Variants in DMD observed in about 807,000 individuals in gnomAD.
DMD encodes dystrophin.
Under a neutral mutation model 330.1 loss-of-function variants are expected in DMD, and 63 were observed. The ratio of observed to expected loss-of-function variants is 0.19; its 90% CI spans 0.16 to 0.24. The LOEUF is 0.24. Among genes scored for constraint, DMD ranks in the 10% least tolerant of loss-of-function variants. DMD has a pLI of 1.00. For missense variants in DMD, 3,344 were observed against 2,684.1 expected, an observed-to-expected ratio of 1.25 and a Z score of -5.43; for synonymous variants, 1,223 against 959.8, an observed-to-expected ratio of 1.27 and a Z score of -5.07.
At position 32,699,165 on chromosome X, in the gene DMD, C is replaced by A. The variant is rs1055397247; in HGVS notation, c.778G>T (p.Val260Leu). 2.5e-6 allele frequency: 3 copies of A among 1,210,514 alleles called. No homozygotes were observed. The East Asian group carries it at 8.9e-5, about 36-fold the overall frequency. ...EVEMLPRPPK[V>L]TKEEHFQLHH... Reference sequence around the variant, plus strand: ...AACTGAAAATGTTCTTCTTTAGTCACTTTAGGTGGCCTTGGCAACATTTCC... The same window carrying A: ...AACTGAAAATGTTCTTCTTTAGTCAATTTAGGTGGCCTTGGCAACATTTCC... Residue 260 changes from valine (V) to leucine (L), a missense_variant, in exon 8 of 79, where the codon GTG becomes TTG. By Grantham distance (32) the Val-to-Leu change is conservative (BLOSUM62 1). Coordinates refer to ENST00000357033, the MANE Select transcript of DMD (RefSeq NM_004006.3).
intron 44 of DMD, among the ~76,000 whole-genome samples, chrX:32,026,366 TA>T (rs752589494): frequency 8.9e-5 from 10 of 112,259 alleles, no homozygotes; most frequent in African/African-American, 1.9e-4. Context: ...TACAAAGAAC[TA>T]AAATGATCTT....
Position 31,932,187 on chromosome X carries a change from C to A in DMD, c.6655G>T (p.Asp2219Tyr). 1 of 1,190,875 alleles carries A rather than the reference C, an allele frequency of 8.4e-7. No individual in the cohort carries two copies. The highest frequency in any genetic ancestry group is 1.1e-6 in the Non-Finnish European group (1 of 876,730). Residue 2219 changes from aspartate (D) to tyrosine (Y), a missense_variant, in exon 46 of 79, where the codon GAT becomes TAT. By Grantham distance (160) the Asp-to-Tyr change is radical. Transcript: ENST00000357033. ...QKNILSEFQR[D>Y]LNEFVLWLEE... is the part of the protein sequence containing the mutation. ...AACCATAAAACAAATTCATTTAAAT[C>A]TCTTTGAAATTCTGACAAGATATTC...
chrX:32,495,848 TTTTGTGTTA>T (rs1371370922), intron 19 of DMD, among the ~76,000 whole-genome samples: 1 of 111,999 alleles, frequency 8.9e-6, no homozygotes. Flanking sequence ...TGTTTTCTAA[TTTTGTGTTA>T]GCTATTTAAG....
In DMD at chrX:31,383,798, C is replaced by T. The variant is rs771238796; in HGVS notation, c.9085-35164G>A. 8.9e-5 allele frequency among the ~76,000 whole-genome samples: 10 copies of T among 111,838 alleles called. No homozygotes were observed. The South Asian group carries it at 2.3e-3, about 25-fold the overall frequency. ...ATAGCTTCAGAGAGGAGTCTGATTG[C>T]GGACAGCTGGACTCGAGGTGAAGAT... On this transcript the variant is annotated intron_variant, in intron 60 of 78. Transcript: ENST00000357033.
chrX:31,937,900 A>G (rs763142075), intron 45 of DMD, among the ~76,000 whole-genome samples: 5 of 110,806 alleles, frequency 4.5e-5, no homozygotes, highest in Non-Finnish European at 7.7e-5. Flanking sequence ...ATTTCAATAC[A>G]TTTAGACATT....
intron 44 of DMD, among the ~76,000 whole-genome samples, chrX:32,089,503 C>G (rs1264606895): frequency 9.0e-6 from 1 of 111,472 alleles, no homozygotes; most frequent in East Asian, 2.8e-4. Flanking sequence ...ATGTTCTCAT[C>G]ATTTAGCTTC....
At chrX:31,126,765 ACC>A in intron 77 of DMD, 92 bp from the exon 78 acceptor site, 2 of 578,322 alleles carry the variant, frequency 3.5e-6, no homozygotes, top group Non-Finnish European at 5.7e-6. Flanking sequence ...TGCTTCTTTT[ACC>A]AAACAAATGT....
intron 43 of DMD, among the ~76,000 whole-genome samples, chrX:32,253,313 A>C (rs2097284478): frequency 9.0e-6 from 1 of 111,116 alleles, no homozygotes; most frequent in African/African-American, 3.3e-5. Context: ...CACTTAGCTG[A>C]CTGAAACAGC....
chrX:33,170,859 G>T (rs999759757), intron 1 of DMD, among the ~76,000 whole-genome samples: 1 of 111,557 alleles, frequency 9.0e-6, no homozygotes, highest in South Asian at 3.7e-4. Context: ...TAGGTATGAG[G>T]TCTAGGTCTA....
chrX:31,788,321 C>A (rs1320387162), intron 50 of DMD, among the ~76,000 whole-genome samples: 1 of 112,160 alleles, frequency 8.9e-6, no homozygotes, highest in Non-Finnish European at 1.9e-5. Flanking sequence ...TTGCTGCTTA[C>A]AAAGGGGAAA....
At chrX:32,747,774 G>C (rs113470379) in intron 7 of DMD, among the ~76,000 whole-genome samples, 18,575 of 109,792 alleles carry the variant, frequency 0.17, 2,008 homozygotes, top group African/African-American at 0.38. Context: ...CCAACATGCC[G>C]GGGAGGAATC....
intron 11 of DMD, among the ~76,000 whole-genome samples, chrX:32,632,726 T>A (rs1395250588): frequency 2.9e-5 from 1 of 34,837 alleles, no homozygotes; most frequent in Non-Finnish European, 5.3e-5. Context: ...GCCAGGACGC[T>A]GGGTGCGGGG....
At chrX:31,543,869 C>T (rs1443683773) in intron 55 of DMD, among the ~76,000 whole-genome samples, 1 of 110,773 alleles carries the variant, frequency 9.0e-6, no homozygotes, top group Non-Finnish European at 1.9e-5. Context: ...TTTCAGCCAG[C>T]AATGAACAAC....
At chrX:31,611,725 T>C (rs1462272906) in intron 55 of DMD, among the ~76,000 whole-genome samples, 1 of 111,064 alleles carries the variant, frequency 9.0e-6, no homozygotes, top group African/African-American at 3.3e-5. Context: ...CACACCCAGT[T>C]AATTTTTGAA....
chrX:33,079,372 C>T, intron 1 of DMD, among the ~76,000 whole-genome samples: 1 of 111,787 alleles, frequency 8.9e-6, no homozygotes, highest in Admixed American at 9.5e-5. Flanking sequence ...ACGACACAAA[C>T]ATTGTAGAGT....
chrX:31,833,074 C>T (rs2093090602), intron 49 of DMD, among the ~76,000 whole-genome samples: 1 of 110,749 alleles, frequency 9.0e-6, no homozygotes, highest in South Asian at 3.8e-4. Flanking sequence ...CTAGTTATTA[C>T]TGTGTGGAAA....
At chrX:31,588,392 C>T (rs1307592949) in intron 55 of DMD, among the ~76,000 whole-genome samples, 2 of 111,344 alleles carry the variant, frequency 1.8e-5, no homozygotes, top group Non-Finnish European at 3.8e-5. Flanking sequence ...ATTTCCCCCA[C>T]CCTAACTTTT....
chrX:32,535,067 GT>G (rs750169459), intron 17 of DMD, among the ~76,000 whole-genome samples: 1 of 111,538 alleles, frequency 9.0e-6, no homozygotes, highest in Non-Finnish European at 1.9e-5. Context: ...AGGAGACATT[GT>G]TTTTTAAATG....
At chrX:32,778,641 T>C (rs972974569) in intron 7 of DMD, among the ~76,000 whole-genome samples, 11 of 111,940 alleles carry the variant, frequency 9.8e-5, no homozygotes, top group African/African-American at 2.9e-4. Flanking sequence ...CTTTCCCTTT[T>C]CTAGCTTTTA....
Sources: gnomAD v4.1 joint callset for allele counts (sites outside exome capture counted in the v4.1 genomes callset) on GRCh38, gnomAD v4.1.1 for gene constraint, MANE v1.5 for transcripts, NCBI Gene and HGNC (gene_info 2026-07-23, HGNC 2026-07-21) for gene names.